CSMD3: variants seen among roughly 807,000 people sequenced by gnomAD.
The protein encoded by CSMD3 is CUB and Sushi multiple domains 3.
In CSMD3, 177 loss-of-function variants were observed where a neutral mutation model predicts 435.2. The observed-to-expected ratio is 0.41, with a 90% CI of 0.36 to 0.46. The LOEUF (loss-of-function observed/expected upper bound fraction) is 0.46, where lower values mean the gene tolerates loss of function less well. Among genes scored for constraint, CSMD3 ranks in the 20% least tolerant of loss-of-function variants. The pLI, the probability that CSMD3 is intolerant of heterozygous loss-of-function variation, is 0.34. For missense variants in CSMD3, 4,265 were observed against 4,504.6 expected, an observed-to-expected ratio of 0.95 and a Z score of 1.52; for synonymous variants, 1,656 against 1,520.5, an observed-to-expected ratio of 1.09 and a Z score of -2.07.
chr8:112,432,773 A>G (rs964000742), intron 32 of CSMD3, among the ~76,000 whole-genome samples: 2 of 152,102 alleles, frequency 1.3e-5, no homozygotes, highest in African/African-American at 4.8e-5. Flanking sequence ...TGTGGGTCTC[A>G]GTTGAAAAGT....
At chr8:113,225,511 A>G (rs1367066648) in intron 3 of CSMD3, among the ~76,000 whole-genome samples, 4 of 151,582 alleles carry the variant, frequency 2.6e-5, no homozygotes, top group Non-Finnish European at 3.0e-5. Flanking sequence ...CAGGAACAGA[A>G]AATCAAATAC....
intron 2 of CSMD3, among the ~76,000 whole-genome samples, chr8:113,279,158 ATCTC>A (rs1169283740): frequency 8.6e-5 from 13 of 151,160 alleles, no homozygotes; most frequent in South Asian, 4.2e-4. Flanking sequence ...ATGACTAAAA[ATCTC>A]TCTATGAAGA....
In CSMD3 at chr8:112,894,163, G is replaced by C. The variant is rs113287406; in HGVS notation, c.1633+27464C>G. On this transcript the variant is annotated intron_variant, in intron 10 of 70. Transcript: ENST00000297405. The stretch of plus-strand genomic sequence containing the variant: ...TTTTACTTACCACTTCAAGTTCCAA[G>C]AGATCATCATACCTCCAAATGTAAA... 1.4e-3 allele frequency among the ~76,000 whole-genome samples: 208 copies of C among 151,546 alleles called. 3 individuals carry two copies. Among genetic ancestry groups the C allele is most frequent in the African/African-American group, 4.8e-3 (200 of 41,452 alleles).
intron 24 of CSMD3, among the ~76,000 whole-genome samples, chr8:112,570,183 T>C (rs1412385913): frequency 6.6e-6 from 1 of 152,150 alleles, no homozygotes; most frequent in Admixed American, 6.6e-5. Context: ...AATATGTGGC[T>C]TAGTAGAACT....
At chr8:112,569,089 G>A (rs1175726746) in intron 24 of CSMD3, among the ~76,000 whole-genome samples, 5 of 152,176 alleles carry the variant, frequency 3.3e-5, no homozygotes, top group African/African-American at 1.2e-4. Flanking sequence ...AGAGACATAA[G>A]AGGGTATCTT....
At chr8:112,894,581 GAAAAT>G (rs1339976909) in intron 10 of CSMD3, among the ~76,000 whole-genome samples, 1 of 151,070 alleles carries the variant, frequency 6.6e-6, no homozygotes, top group Admixed American at 6.6e-5. Context: ...AGAGTACTGT[GAAAAT>G]AAGAGATAAT....
chr8:112,978,364 C>A (rs1219512319), intron 6 of CSMD3, among the ~76,000 whole-genome samples: 1 of 151,838 alleles, frequency 6.6e-6, no homozygotes, highest in Non-Finnish European at 1.5e-5. Flanking sequence ...CTGAGATAAT[C>A]CTTATGAACA....
At chr8:113,358,953 A>G (rs1179507960) in intron 1 of CSMD3, among the ~76,000 whole-genome samples, 5 of 152,188 alleles carry the variant, frequency 3.3e-5, no homozygotes, top group African/African-American at 1.2e-4. Flanking sequence ...AAAATAAAAA[A>G]GCTGCTCGGT....
chr8:113,304,683 A>G (rs1406183977), intron 2 of CSMD3, among the ~76,000 whole-genome samples: 1 of 134,176 alleles, frequency 7.5e-6, no homozygotes, highest in Non-Finnish European at 1.6e-5. Flanking sequence ...CAAACACCGC[A>G]TATTCTCACT....
At chr8:112,241,933 T>A (rs1415861229) in intron 65 of CSMD3, 148 bp from the exon 66 acceptor site, 3 of 707,888 alleles carry the variant, frequency 4.2e-6, no homozygotes, top group Admixed American at 3.9e-5. Context: ...CTCTAAAATG[T>A]TCCGTTCATC....
At chr8:112,790,335 G>A (rs972614543) in intron 13 of CSMD3, among the ~76,000 whole-genome samples, 2 of 151,182 alleles carry the variant, frequency 1.3e-5, no homozygotes, top group Non-Finnish European at 2.9e-5. Context: ...CTCTAATTAA[G>A]TTTTGGAAAA....
chr8:113,050,954 T>C (rs959769958), intron 5 of CSMD3, among the ~76,000 whole-genome samples: 2 of 152,062 alleles, frequency 1.3e-5, no homozygotes, highest in African/African-American at 4.8e-5. Flanking sequence ...AGTTTCCAGA[T>C]CTAGCAACAG....
intron 17 of CSMD3, among the ~76,000 whole-genome samples, chr8:112,663,832 C>G (rs1398193470): frequency 6.6e-6 from 1 of 152,046 alleles, no homozygotes; most frequent in Non-Finnish European, 1.5e-5. Context: ...GAAAGTGATG[C>G]AAATGAATAG....
intron 31 of CSMD3, among the ~76,000 whole-genome samples, chr8:112,481,239 A>G (rs1819598397): frequency 6.6e-6 from 1 of 152,198 alleles, no homozygotes; most frequent in Non-Finnish European, 1.5e-5. Flanking sequence ...CAGAAGAAGA[A>G]AAGAAGAAAC....
At chr8:113,089,405 A>G (rs1344018805) in intron 5 of CSMD3, among the ~76,000 whole-genome samples, 18 of 152,156 alleles carry the variant, frequency 1.2e-4, no homozygotes, top group Non-Finnish European at 4.4e-5. Context: ...AATAATTTAA[A>G]TACAAGTCAT....
At chr8:113,212,921 G>T (rs1228035280) in intron 3 of CSMD3, among the ~76,000 whole-genome samples, 1 of 133,482 alleles carries the variant, frequency 7.5e-6, no homozygotes, top group African/African-American at 2.8e-5. Flanking sequence ...AAAAAAAAAA[G>T]AAAATCAAGT....
chr8:112,739,101 T>C (rs1201046058), intron 13 of CSMD3, among the ~76,000 whole-genome samples: 2 of 151,652 alleles, frequency 1.3e-5, no homozygotes, highest in Non-Finnish European at 3.0e-5. Flanking sequence ...GATTATATGA[T>C]AAAAACACTG....
intron 1 of CSMD3, among the ~76,000 whole-genome samples, chr8:113,430,056 G>A (rs1188344555): frequency 2.0e-5 from 3 of 152,126 alleles, no homozygotes; most frequent in Non-Finnish European, 4.4e-5. Flanking sequence ...CTGTGAGTCT[G>A]CCCCTTATTC....
chr8:113,047,459 T>C (rs532540683), intron 5 of CSMD3, among the ~76,000 whole-genome samples: 3 of 152,278 alleles, frequency 2.0e-5, no homozygotes, highest in South Asian at 4.1e-4. Flanking sequence ...GTCAACCACA[T>C]AGACAGTATA....
Sources: allele counts gnomAD v4.1 joint callset (sites outside exome capture counted in the v4.1 genomes callset), GRCh38; gene constraint gnomAD v4.1.1; transcripts MANE v1.5; gene names NCBI Gene and HGNC (gene_info 2026-07-23, HGNC 2026-07-21).